The following PXDNL variants were observed in gnomAD, a reference collection of about 807,000 sequenced individuals.
PXDNL encodes probable oxidoreductase PXDNL.
PXDNL carries 145 observed loss-of-function variants against 150.8 expected under a neutral mutation model. The ratio of observed to expected loss-of-function variants is 0.96; its 90% confidence interval spans 0.84 to 1.10. The LOEUF is 1.10. Among genes scored for constraint, PXDNL ranks in the 50% least tolerant of loss-of-function variants. The pLI is 0.00. For missense variants in PXDNL, 2,087 were observed against 1,873.9 expected (o/e 1.11, Z -2.10); for synonymous variants, 757 against 725.7 (o/e 1.04, Z -0.69).
chr8:51,529,824 G>A (rs1009724299), intron 4 of PXDNL, among the ~76,000 whole-genome samples: 8 of 152,086 alleles, frequency 5.3e-5, no homozygotes, highest in Non-Finnish European at 1.0e-4. Flanking sequence ...CTTGGTACAC[G>A]AAAACTCTTC....
At chr8:51,680,921 T>C (rs915496316) in intron 1 of PXDNL, among the ~76,000 whole-genome samples, 5 of 152,146 alleles carry the variant, frequency 3.3e-5, no homozygotes, top group Admixed American at 2.0e-4. Flanking sequence ...ACACCACATT[T>C]CTAGAACTAA....
At chr8:51,422,573 A>G (rs1429926035) in intron 14 of PXDNL, among the ~76,000 whole-genome samples, 1 of 152,244 alleles carries the variant, frequency 6.6e-6, no homozygotes, top group Non-Finnish European at 1.5e-5. Context: ...AATCTCTTCT[A>G]TAAACCCATA....
intron 20 of PXDNL, among the ~76,000 whole-genome samples, chr8:51,345,414 T>C (rs1806119243): frequency 6.6e-6 from 1 of 152,200 alleles, no homozygotes; most frequent in Non-Finnish European, 1.5e-5. Context: ...TGGTCACAAA[T>C]CAAGCCTTGC....
chr8:51,608,386 CAAAA>C (rs760838357), intron 2 of PXDNL, among the ~76,000 whole-genome samples: 11 of 75,388 alleles, frequency 1.5e-4, no homozygotes, highest in Non-Finnish European at 2.3e-4. Context: ...GAGACTCCGT[CAAAA>C]AAAAAAAAAA....
At chr8:51,634,188 T>G (rs1319773729) in intron 2 of PXDNL, among the ~76,000 whole-genome samples, 1 of 152,192 alleles carries the variant, frequency 6.6e-6, no homozygotes, top group Non-Finnish European at 1.5e-5. Flanking sequence ...ATCCTTCTTC[T>G]GCATATGGCT....
chr8:51,641,998 C>T (rs1216293732), intron 2 of PXDNL, among the ~76,000 whole-genome samples: 3 of 151,322 alleles, frequency 2.0e-5, no homozygotes, highest in Non-Finnish European at 4.4e-5. Flanking sequence ...AAATGTGGCA[C>T]ATATACACCA....
chr8:51,744,956 GAAAGAAAGA>G lies in PXDNL; in HGVS notation c.164+64216_164+64224del, dbSNP rs1416132807. ...AGAAAGAAAGAAAGAAAGAAAGAAA[GAAAGAAAGA>G]AAGAAAGAAAGAAAGAAAGAAAGAA... On this transcript the variant is annotated intron_variant, in intron 1 of 22. Transcript: ENST00000356297. Among the ~76,000 whole-genome samples the G allele has an allele frequency of 8.0e-3, 931 of 116,300 alleles. 44 individuals are homozygous for G. The highest frequency in any genetic ancestry group is 0.034 in the African/African-American group (895 of 26,044). The allele number at this position is 116,300 out of a possible 152,430, so 76.3% of individuals were successfully genotyped here.
intron 3 of PXDNL, among the ~76,000 whole-genome samples, chr8:51,586,022 T>A (rs1389570619): frequency 6.6e-6 from 1 of 152,082 alleles, no homozygotes; most frequent in African/African-American, 2.4e-5. Context: ...AGTGCAGAAA[T>A]GGCAAAAAAT....
intron 1 of PXDNL, among the ~76,000 whole-genome samples, chr8:51,682,826 C>T (rs142215760): frequency 6.6e-6 from 1 of 152,086 alleles, no homozygotes; most frequent in East Asian, 2.0e-4. Flanking sequence ...TCCCGAAGGG[C>T]TTGTTAAGAA....
chr8:51,472,050 A>C, intron 8 of PXDNL, 137 bp downstream of exon 8: 1 of 580,748 alleles, frequency 1.7e-6, no homozygotes, highest in Non-Finnish European at 3.1e-6. Context: ...AACAGATAAA[A>C]GTTAAAAGGC....
At chr8:51,601,069 G>T (rs1438513516) in intron 2 of PXDNL, among the ~76,000 whole-genome samples, 2 of 147,488 alleles carry the variant, frequency 1.4e-5, no homozygotes, top group African/African-American at 5.0e-5. Context: ...CTTATATCAA[G>T]ATATAATAAA....
rs543141977 is a variant in PXDNL, at chr8:51,332,994, G to A, written c.4146+6630C>T. Among the ~76,000 whole-genome samples the A allele has an allele frequency of 5.3e-5, 8 of 152,246 alleles. 1 individual carries two copies. In the South Asian group the frequency reaches 1.5e-3, roughly 28 times the overall value. ...ATACAAGAAGCACAAAGAACACCTG[G>A]GGAATTCATTGCAAAAAGATCTTCA... On this transcript the variant is annotated intron_variant, in intron 21 of 22. Coordinates refer to ENST00000356297, the MANE Select transcript of PXDNL (RefSeq NM_144651.5).
At chr8:51,805,377 AATT>A (rs973609121) in intron 1 of PXDNL, among the ~76,000 whole-genome samples, 6 of 148,212 alleles carry the variant, frequency 4.0e-5, no homozygotes, top group African/African-American at 1.2e-4. Context: ...TAAATTATAA[AATT>A]ATGTTTGCTG....
chr8:51,334,262 T>C (rs555943689), intron 21 of PXDNL, among the ~76,000 whole-genome samples: 3 of 152,244 alleles, frequency 2.0e-5, no homozygotes, highest in African/African-American at 7.2e-5. Context: ...AAAAAATTCT[T>C]CAAACTGAAT....
chr8:51,771,087 A>C (rs973512812), intron 1 of PXDNL, among the ~76,000 whole-genome samples: 7 of 152,240 alleles, frequency 4.6e-5, no homozygotes, highest in Non-Finnish European at 7.3e-5. Flanking sequence ...CAACAGCAAA[A>C]CTGAAGAGTG....
At chr8:51,724,123 A>C (rs1816781202) in intron 1 of PXDNL, among the ~76,000 whole-genome samples, 1 of 152,128 alleles carries the variant, frequency 6.6e-6, no homozygotes, top group Admixed American at 6.5e-5. Flanking sequence ...CATCTAAGAC[A>C]GGAGCAGGTT....
At position 51,462,354 on chromosome 8, in the gene PXDNL, AAGCT is replaced by A. The variant is rs1810102763; in HGVS notation, c.813-4691_813-4688del. Among the ~76,000 whole-genome samples, 6 of 152,242 alleles carry A rather than the reference AAGCT, an allele frequency of 3.9e-5. No individual in the cohort carries two copies. The South Asian group carries it at 1.2e-3, about 32-fold the overall frequency. On this transcript the variant is annotated intron_variant, in intron 8 of 22. Coordinates refer to ENST00000356297, the MANE Select transcript of PXDNL (RefSeq NM_144651.5). Reference sequence around the variant, plus strand: ...AAAATTCAGAATCTGGATGGCAAGGAAGCTCAATGAGATAAGGAGAAAGTTGAAA... The same window carrying A: ...AAAATTCAGAATCTGGATGGCAAGGACAATGAGATAAGGAGAAAGTTGAAA...
chr8:51,353,874 T>A (rs1044328627), intron 19 of PXDNL, among the ~76,000 whole-genome samples: 1 of 152,174 alleles, frequency 6.6e-6, no homozygotes, highest in African/African-American at 2.4e-5. Context: ...CCTGTTTCTG[T>A]GTGCCTGACT....
chr8:51,481,578 C>A (rs1810604842), intron 6 of PXDNL, among the ~76,000 whole-genome samples: 1 of 152,190 alleles, frequency 6.6e-6, no homozygotes, highest in Admixed American at 6.5e-5. Flanking sequence ...ACCTTCACAG[C>A]AGCTCCTCCC....
Sources: gnomAD v4.1 joint callset for allele counts (sites outside exome capture counted in the v4.1 genomes callset) on GRCh38, gnomAD v4.1.1 for gene constraint, MANE v1.5 for transcripts, NCBI Gene and HGNC (gene_info 2026-07-23, HGNC 2026-07-21) for gene names.